Variants in WDR5 observed in about 807,000 individuals in gnomAD.
WDR5 encodes the protein WD repeat-containing protein 5.
For missense variants in WDR5, 187 were observed against 416.9 expected (o/e 0.45, Z 4.80); for synonymous variants, 144 against 161.6 (o/e 0.89, Z 0.83).
At chr9:134,148,467 C>T in intron 8 of WDR5, 124 bp downstream of exon 8, 1 of 812,920 alleles carries the variant, frequency 1.2e-6, no homozygotes, top group East Asian at 2.8e-5. Context: ...TCCGAAGCTT[C>T]TCTTCTGGCC....
rs1392653453 is a variant in WDR5, at chr9:134,139,824, C to T, written c.-54C>T. On this transcript the variant is annotated 5_prime_UTR_variant, in exon 2 of 14. Coordinates refer to ENST00000358625, the MANE Select transcript of WDR5 (RefSeq NM_017588.3). ...GTTCTGCATCTCGCTCAACAGACTG[C>T]CTCTGTCACCGGGTCCCTCCACCCT... 1.1e-5 allele frequency: 18 copies of T among 1,586,892 alleles called. No individual in the cohort carries two copies. Among genetic ancestry groups the T allele is most frequent in the Non-Finnish European group, 1.5e-5 (17 of 1,156,808 alleles).
At chr9:134,139,306 A>C (rs1010045492) in intron 1 of WDR5, among the ~76,000 whole-genome samples, 2 of 152,206 alleles carry the variant, frequency 1.3e-5, no homozygotes, top group Non-Finnish European at 2.9e-5. Context: ...CCCCCCCATG[A>C]GGCGTAGACC....
intron 9 of WDR5, among the ~76,000 whole-genome samples, chr9:134,153,205 C>T (rs745338447): frequency 6.6e-6 from 1 of 152,192 alleles, no homozygotes. Context: ...GTAACCCTCA[C>T]GGCCACCTCT....
At chr9:134,156,247 G>C (rs1438924009) in intron 12 of WDR5, among the ~76,000 whole-genome samples, 2 of 152,248 alleles carry the variant, frequency 1.3e-5, no homozygotes, top group Admixed American at 6.5e-5. Context: ...CATCCTGGAA[G>C]CCTCTCCTGG....
chr9:134,158,076 C>A lies in WDR5; in HGVS notation c.*83C>A. 7.8e-7 allele frequency: 1 copy of A among 1,275,748 alleles called. No individual in the cohort carries two copies. The highest frequency in any genetic ancestry group is 1.5e-5 in the African/African-American group (1 of 68,484). The allele number at this position is 1,275,748 out of a possible 1,614,324, so 79.0% of individuals were successfully genotyped here. A position where few individuals can be genotyped will look rare whatever the true frequency, so the allele number is the denominator to read the frequency against. On this transcript the variant is annotated 3_prime_UTR_variant, in exon 14 of 14. Coordinates refer to ENST00000358625, the MANE Select transcript of WDR5 (RefSeq NM_017588.3). ...ACAGGGTGTCTTGGAGGTGGTCCCC[C>A]AGATCTGCGCCTGGGGGTCAGGACA...
rs1183649022 is a variant in WDR5, at chr9:134,158,693, G to C, written c.*700G>C. 1 of 152,276 alleles carries C rather than the reference G, an allele frequency of 6.6e-6. No homozygotes were observed. Among genetic ancestry groups the C allele is most frequent in the Non-Finnish European group, 1.5e-5 (1 of 68,064 alleles). The allele number at this position is 152,276 out of a possible 1,614,324, so 9.4% of individuals were successfully genotyped here. On this transcript the variant is annotated 3_prime_UTR_variant, in exon 14 of 14. Transcript: ENST00000358625. ...AAGGTGGGGTTTTGTGAATGGTTGT[G>C]GCAAGTGCGTCCTTGTGAAGCTCGT... is the stretch of plus-strand genomic sequence containing the variant.
At chr9:134,151,894 C>A in intron 8 of WDR5, 89 bp from the exon 9 acceptor site, 2 of 1,313,342 alleles carry the variant, frequency 1.5e-6, no homozygotes. Context: ...GAAAAGCGTG[C>A]TAGTCCTAAA....
rs72766688 is a variant in WDR5, at chr9:134,158,242, C to A, written c.*249C>A. On this transcript the variant is annotated 3_prime_UTR_variant, in exon 14 of 14. Transcript: ENST00000358625. The stretch of plus-strand genomic sequence containing the variant: ...GGAAGAGTTCCTAGTCTATTGTGTT[C>A]AAACAGAGTCAACAAAAGTTTTTAA... 0.02 allele frequency: 7,440 copies of A among 367,132 alleles called. 115 individuals are homozygous for A. The highest frequency in any genetic ancestry group is 0.028 in the Non-Finnish European group (5,660 of 203,218). The allele number at this position is 367,132 out of a possible 1,614,324, so 22.7% of individuals were successfully genotyped here.
chr9:134,142,074 C>T lies in WDR5; in HGVS notation c.354+36C>T, dbSNP rs748992929. On this transcript the variant is annotated intron_variant, in intron 5 of 13. Transcript: ENST00000358625. Reference sequence around the variant, plus strand: ...CTCAGTGCTTCTCTCCAGGGGAGACCGGCTGCAGGGCACGGGGCAGGTGCG... The same window carrying T: ...CTCAGTGCTTCTCTCCAGGGGAGACTGGCTGCAGGGCACGGGGCAGGTGCG... 1.5e-5 allele frequency: 24 copies of T among 1,577,782 alleles called. No homozygotes were observed. The East Asian group carries it at 2.1e-4, about 14-fold the overall frequency.
In WDR5 at chr9:134,159,175, G is replaced by A. The variant is rs75331293; in HGVS notation, c.*1182G>A. 0.027 allele frequency: 4,067 copies of A among 152,418 alleles called. 98 individuals are homozygous for A. Among genetic ancestry groups the A allele is most frequent in the African/African-American group, 0.064 (2,658 of 41,548 alleles). 9.4% of individuals were successfully genotyped at this position (152,418 alleles called of 1,614,324 possible). A position where few individuals can be genotyped will look rare whatever the true frequency, so the allele number is the denominator to read the frequency against. ...CACAGCAGTTAACAGCAGAGGCCGA[G>A]CGGGAGCCTCTGGGGAGCGAGGCTG... On this transcript the variant is annotated 3_prime_UTR_variant, in exon 14 of 14. Transcript: ENST00000358625. This position sits in a 1 kb window ranked among gnomAD's most constrained non-coding sequence, Gnocchi z 4.3.
chr9:134,143,016 AGT>A (rs1831976448), intron 7 of WDR5, among the ~76,000 whole-genome samples: 2 of 152,024 alleles, frequency 1.3e-5, no homozygotes, highest in African/African-American at 4.8e-5. Flanking sequence ...TTCAGGAGGT[AGT>A]GTACCCTGAA....
chr9:134,155,383 C>T lies in WDR5; in HGVS notation c.741+10C>T, dbSNP rs764731149. The T allele has an allele frequency of 1.1e-5, 18 of 1,603,036 alleles. No homozygotes were observed. Among genetic ancestry groups the T allele is most frequent in the Non-Finnish European group, 1.5e-5 (18 of 1,175,386 alleles). ...CTACAGCAAGGGGAAGGTGAGCCCC[C>T]GCAGGCTTGGGCCCCCATGGTGCAC... is the stretch of plus-strand genomic sequence containing the variant. On this transcript the variant is annotated intron_variant, in intron 11 of 13. Coordinates refer to ENST00000358625, the MANE Select transcript of WDR5 (RefSeq NM_017588.3).
chr9:134,136,576 C>T (rs1223643341), intron 1 of WDR5, among the ~76,000 whole-genome samples: 1 of 152,188 alleles, frequency 6.6e-6, no homozygotes, highest in Non-Finnish European at 1.5e-5. Flanking sequence ...CCAAGCCACT[C>T]AGTCCCTGGA....
chr9:134,148,141 C>T (rs544154232), intron 7 of WDR5, 147 bp from the exon 8 acceptor site: 15 of 609,404 alleles, frequency 2.5e-5, no homozygotes, highest in South Asian at 1.7e-4. Flanking sequence ...GGTGACAGAG[C>T]GAGACTCTTT....
intron 8 of WDR5, among the ~76,000 whole-genome samples, chr9:134,150,068 G>A (rs941562553): frequency 1.3e-5 from 2 of 152,192 alleles, no homozygotes; most frequent in Non-Finnish European, 2.9e-5. Context: ...ACAGGCGGGA[G>A]GGAGCTCCCT....
Position 134,142,042 on chromosome 9 carries a change from A to G in WDR5, c.354+4A>G. 6.2e-7 allele frequency: 1 copy of G among 1,613,534 alleles called. No individual in the cohort carries two copies. Among genetic ancestry groups the G allele is most frequent in the Non-Finnish European group, 8.5e-7 (1 of 1,179,590 alleles). On this transcript the variant is annotated splice_donor_region_variant and intron_variant, in intron 5 of 13. Coordinates refer to ENST00000358625, the MANE Select transcript of WDR5 (RefSeq NM_017588.3). ...GAAGATATGGGACGTGAGCTCGGTA[A>G]GTGACACTCAGTGCTTCTCTCCAGG... is the stretch of plus-strand genomic sequence containing the variant.
chr9:134,143,634 C>T (rs1427605824), intron 7 of WDR5, among the ~76,000 whole-genome samples: 1 of 151,698 alleles, frequency 6.6e-6, no homozygotes, highest in Non-Finnish European at 1.5e-5. Flanking sequence ...TCATGCCATT[C>T]TCCTGCCTCA....
At chr9:134,136,744 CA>C (rs1831582096) in intron 1 of WDR5, among the ~76,000 whole-genome samples, 2 of 152,214 alleles carry the variant, frequency 1.3e-5, no homozygotes, top group Non-Finnish European at 2.9e-5. Flanking sequence ...CGCGGGGCCG[CA>C]GACCTGTCCT....
At chr9:134,139,792 G>T in intron 1 of WDR5, 28 bp from the exon 2 acceptor site, 2 of 1,410,536 alleles carry the variant, frequency 1.4e-6, no homozygotes, top group Non-Finnish European at 2.0e-6. Flanking sequence ...TTGTTTCTTG[G>T]CTCCCTGTTC....
Sources: gnomAD v4.1 joint callset for allele counts (sites outside exome capture counted in the v4.1 genomes callset) on GRCh38, gnomAD v4.1.1 for gene constraint, Gnocchi (gnomAD v3.1) non-coding constraint, MANE v1.5 for transcripts, NCBI Gene and HGNC (gene_info 2026-07-23, HGNC 2026-07-21) for gene names.